The following ATP6V0A1 variants were observed in gnomAD, a reference collection of about 807,000 sequenced individuals.
The protein encoded by ATP6V0A1 is ATPase H+ transporting V0 subunit a1, also known as V-type proton ATPase 116 kDa subunit a 1.
In ATP6V0A1, 43 loss-of-function variants were observed where a neutral mutation model predicts 105.4. The observed-to-expected ratio is 0.41, with a 90% confidence interval of 0.32 to 0.53. The LOEUF is 0.53. ATP6V0A1 is among the 20% of genes least tolerant of loss of function. ATP6V0A1 has a pLI of 0.30. For missense variants in ATP6V0A1, 676 were observed against 1,051.1 expected, an observed-to-expected ratio of 0.64 and a Z score of 4.93; for synonymous variants, 362 against 372.8, an observed-to-expected ratio of 0.97 and a Z score of 0.33.
intron 10 of ATP6V0A1, among the ~76,000 whole-genome samples, chr17:42,487,574 A>T (rs1363790591): frequency 1.3e-5 from 2 of 152,072 alleles, no homozygotes; most frequent in Non-Finnish European, 2.9e-5. Context: ...AAAAAATACA[A>T]AAAATTAGCC....
Position 42,470,012 on chromosome 17 carries a change from C to G in ATP6V0A1, c.295-78C>G, listed in dbSNP as rs1448632849. 4 of 1,372,562 alleles carry G rather than the reference C, an allele frequency of 2.9e-6. No homozygotes were observed. The East Asian group carries it at 1.0e-4, about 35-fold the overall frequency. The allele number at this position is 1,372,562 out of a possible 1,614,324, so 85.0% of individuals were successfully genotyped here. On this transcript the variant is annotated intron_variant, in intron 4 of 21. Coordinates refer to ENST00000343619, the MANE Select transcript of ATP6V0A1 (RefSeq NM_001130021.3). ...TTGAACTATCGGCTTGGCAACAGTT[C>G]TGTGGGATGAATTCATTTAATGTCT... is the stretch of plus-strand genomic sequence containing the variant.
intron 14 of ATP6V0A1, chr17:42,496,355 G>A (rs1258777184): frequency 1.3e-5 from 2 of 152,128 alleles, no homozygotes; most frequent in Non-Finnish European, 2.9e-5. Context: ...TAGCAAAGCA[G>A]AAATATATTT....
intron 2 of ATP6V0A1, among the ~76,000 whole-genome samples, chr17:42,461,863 C>T (rs373453086): frequency 6.6e-6 from 1 of 152,090 alleles, no homozygotes; most frequent in East Asian, 1.9e-4. Context: ...TCTATTGGCT[C>T]TATTCAGCCT....
At position 42,495,528 on chromosome 17, in the gene ATP6V0A1, A is replaced by C. The variant is rs374348398; in HGVS notation, c.1470-98A>C. On this transcript the variant is annotated intron_variant, in intron 13 of 21. Transcript: ENST00000343619. ...TCCCCTCCCATTTTATTGAAGAGAC[A>C]AGATAGCTACAGTAATTTATTTTGG... is the stretch of plus-strand genomic sequence containing the variant. 1.1e-4 allele frequency: 104 copies of C among 921,232 alleles called. 1 individual carries two copies. In the East Asian group the frequency reaches 2.1e-3, roughly 19 times the overall value. 57.1% of individuals were successfully genotyped at this position (921,232 alleles called of 1,614,324 possible). A position where few individuals can be genotyped will look rare whatever the true frequency, so the allele number is the denominator to read the frequency against.
chr17:42,487,110 A>G lies in ATP6V0A1; in HGVS notation c.811-45A>G. ...TGCCATTCATACCCTGAGATCTAAA[A>G]CTGGTGTTAAAAGGATCCCTCGCTT... On this transcript the variant is annotated intron_variant, in intron 9 of 21. Coordinates refer to ENST00000343619, the MANE Select transcript of ATP6V0A1 (RefSeq NM_001130021.3). The G allele has an allele frequency of 3.2e-6, 5 of 1,582,742 alleles. No individual in the cohort carries two copies. The South Asian group carries it at 3.3e-5, about 11-fold the overall frequency.
chr17:42,500,118 G>A (rs1339612844), intron 15 of ATP6V0A1, among the ~76,000 whole-genome samples: 1 of 149,360 alleles, frequency 6.7e-6, no homozygotes, highest in African/African-American at 2.5e-5. Flanking sequence ...GTCTCAAAAT[G>A]TACTAGATTT....
chr17:42,501,972 T>G (rs1390815149), intron 17 of ATP6V0A1, among the ~76,000 whole-genome samples: 1 of 152,074 alleles, frequency 6.6e-6, no homozygotes, highest in Non-Finnish European at 1.5e-5. Flanking sequence ...AGGCGGAGGT[T>G]GCAGTCAGCC....
intron 2 of ATP6V0A1, among the ~76,000 whole-genome samples, chr17:42,466,016 T>C (rs2087011558): frequency 6.6e-6 from 1 of 152,128 alleles, no homozygotes; most frequent in Non-Finnish European, 1.5e-5. Context: ...AACTAAAGCC[T>C]GTCACTGAGA....
chr17:42,483,030 T>C lies in ATP6V0A1; in HGVS notation c.717-8T>C. 1.4e-6 allele frequency: 2 copies of C among 1,462,074 alleles called. No individual in the cohort carries two copies. The highest frequency in any genetic ancestry group is 1.8e-6 in the Non-Finnish European group (2 of 1,098,156). The allele number at this position is 1,462,074 out of a possible 1,614,324, so 90.6% of individuals were successfully genotyped here. A position where few individuals can be genotyped will look rare whatever the true frequency, so the allele number is the denominator to read the frequency against. On this transcript the variant is annotated splice_region_variant and splice_polypyrimidine_tract_variant and intron_variant, in intron 8 of 21. Coordinates refer to ENST00000343619, the MANE Select transcript of ATP6V0A1 (RefSeq NM_001130021.3). The stretch of plus-strand genomic sequence containing the variant: ...AAGTTAAGAAACTTCGATGTTCTTA[T>C]ATTCCAGGTTCCGAGCCTCACTCTA...
At position 42,521,125 on chromosome 17, in the gene ATP6V0A1, CTGTGAGGGCCG is replaced by C; in HGVS notation, c.*10_*20del. 6.2e-7 allele frequency: 1 copy of C among 1,602,396 alleles called. No individual in the cohort carries two copies. The highest frequency in any genetic ancestry group is 8.5e-7 in the Non-Finnish European group (1 of 1,173,754). On this transcript the variant is annotated 3_prime_UTR_variant, in exon 22 of 22. Coordinates refer to ENST00000343619, the MANE Select transcript of ATP6V0A1 (RefSeq NM_001130021.3). The surrounding 1 kb of genome is among the most constrained non-coding windows in gnomAD (Gnocchi z 4.8). Reference sequence around the variant, plus strand: ...GAAGGGAAGTTTGAAGAGTGAGTCCCTGTGAGGGCCGTGTGCCCCATGCTACCCTCCCCGCC... The same window carrying C: ...GAAGGGAAGTTTGAAGAGTGAGTCCCTGTGCCCCATGCTACCCTCCCCGCC...
At chr17:42,488,240 A>G (rs1438541256) in intron 10 of ATP6V0A1, among the ~76,000 whole-genome samples, 1 of 152,226 alleles carries the variant, frequency 6.6e-6, no homozygotes, top group East Asian at 1.9e-4. Flanking sequence ...AAGAGAAGAA[A>G]ACAAAGGCAG....
Position 42,478,503 on chromosome 17 carries a change from T to A in ATP6V0A1, c.547T>A (p.Phe183Ile), listed in dbSNP as rs2089056141. ...GVINRERIPT[F>I]ERMLWRVCRG... ...CATTAACCGGGAGCGCATCCCTACT[T>A]TTGAGCGCATGCTTTGGCGGGTATG... The change falls in exon 7 of 22, where the codon TTT (phenylalanine) becomes ATT (isoleucine). Residue 183 changes from phenylalanine to isoleucine, a missense_variant. Phe to Ile is a conservative substitution (Grantham distance 21). This residue lies in a region of ATP6V0A1 where 239 missense variants were observed against 388.4 expected (regional missense o/e 0.62). Coordinates refer to ENST00000343619, the MANE Select transcript of ATP6V0A1 (RefSeq NM_001130021.3). The A allele has an allele frequency of 6.2e-7, 1 of 1,611,106 alleles. No homozygotes were observed. The highest frequency in any genetic ancestry group is 8.5e-7 in the Non-Finnish European group (1 of 1,178,282).
intron 19 of ATP6V0A1, among the ~76,000 whole-genome samples, chr17:42,511,963 A>G (rs2092365244): frequency 2.0e-5 from 3 of 151,190 alleles, no homozygotes; most frequent in Admixed American, 1.3e-4. Context: ...CTCCGTCTCA[A>G]AAAAAAAAGT....
chr17:42,483,410 G>T (rs1468679375), intron 9 of ATP6V0A1, among the ~76,000 whole-genome samples: 1 of 150,374 alleles, frequency 6.7e-6, no homozygotes, highest in African/African-American at 2.4e-5. Flanking sequence ...ATGGGTCTGA[G>T]ATTTTTTTTT....
At chr17:42,484,010 G>A (rs748552012) in intron 9 of ATP6V0A1, among the ~76,000 whole-genome samples, 10 of 152,324 alleles carry the variant, frequency 6.6e-5, no homozygotes, top group African/African-American at 1.2e-4. Context: ...GAGCCACTGC[G>A]CCCAGCCAAG....
At chr17:42,461,092 G>A in intron 2 of ATP6V0A1, 81 bp downstream of exon 2, 1 of 1,224,612 alleles carries the variant, frequency 8.2e-7, no homozygotes, top group Non-Finnish European at 1.2e-6. Flanking sequence ...TGAATGTTTT[G>A]TTTTTTATTT....
At position 42,466,446 on chromosome 17, in the gene ATP6V0A1, T is replaced by C; in HGVS notation, c.135T>C (p.Asn45=). ...VQFRDLNPDV[N]VFQRKFVNEV... ...TTTTTCAGTTAAATCCAGATGTGAA[T>C]GTTTTCCAACGGAAATTTGTGAATG... is the stretch of plus-strand genomic sequence containing the variant. The change falls in exon 3 of 22, where the codon AAT becomes AAC. Residue 45 remains asparagine (N), a synonymous_variant. Coordinates refer to ENST00000343619, the MANE Select transcript of ATP6V0A1 (RefSeq NM_001130021.3). 6.2e-7 allele frequency: 1 copy of C among 1,613,186 alleles called. No individual in the cohort carries two copies.
intron 19 of ATP6V0A1, chr17:42,513,581 T>C (rs2092457958): frequency 5.6e-6 from 2 of 356,866 alleles, no homozygotes; most frequent in Admixed American, 8.5e-5. Context: ...GAAAAGAATC[T>C]TATTAAGATG....
intron 9 of ATP6V0A1, among the ~76,000 whole-genome samples, chr17:42,483,371 G>T (rs766068403): frequency 1.5e-4 from 23 of 151,952 alleles, no homozygotes; most frequent in Admixed American, 2.6e-4. Context: ...AATCGTTGTT[G>T]CCTAGCATAT....
Sources: allele counts gnomAD v4.1 joint callset (sites outside exome capture counted in the v4.1 genomes callset), GRCh38; gene constraint gnomAD v4.1.1; regional missense constraint gnomAD v4.1.1; non-coding constraint Gnocchi (gnomAD v3.1); transcripts MANE v1.5; gene names NCBI Gene and HGNC (gene_info 2026-07-23, HGNC 2026-07-21).